PVT1: variants seen among roughly 807,000 people sequenced by gnomAD.
The protein encoded by PVT1 is CXCR4/PVT1 fusion.
At chr8:127,960,600 A>G (rs1377488305) in intron 3 of PVT1, 2 of 465,884 alleles carry the variant, frequency 4.3e-6, no homozygotes, top group South Asian at 1.7e-5. Context: ...GAAATCAGCA[A>G]GCTGAAGATA....
intron 2 of PVT1, among the ~76,000 whole-genome samples, chr8:127,882,843 A>C (rs1384768902): frequency 6.6e-6 from 1 of 152,136 alleles, no homozygotes; most frequent in Non-Finnish European, 1.5e-5. Flanking sequence ...CACACTTAGC[A>C]TGTGAGACTG....
At chr8:128,048,562 T>C (rs1417975660) in intron 4 of PVT1, 1 of 152,240 alleles carries the variant, frequency 6.6e-6, no homozygotes, top group East Asian at 1.9e-4. Flanking sequence ...TAAGTGGATG[T>C]ATGAGCCGAT....
chr8:128,086,673 G>C (rs1216757904), intron 5 of PVT1, among the ~76,000 whole-genome samples: 2 of 152,226 alleles, frequency 1.3e-5, no homozygotes, highest in African/African-American at 2.4e-5. Flanking sequence ...ACTTTGTTCA[G>C]TATGGGTTTT....
At chr8:127,988,404 C>G (rs1816993959) in intron 3 of PVT1, among the ~76,000 whole-genome samples, 2 of 152,328 alleles carry the variant, frequency 1.3e-5, no homozygotes, top group Non-Finnish European at 1.5e-5. Flanking sequence ...CGGAGCATCA[C>G]AGTTCTTTGA....
chr8:127,959,586 G>GAAAAAAAAAAAAAAAA, intron 3 of PVT1, among the ~76,000 whole-genome samples: 1 of 76,492 alleles, frequency 1.3e-5, no homozygotes, highest in Non-Finnish European at 2.4e-5. Context: ...TCTGTCTCAG[G>GAAAAAAAAAAAAAAAA]AAAAAAAAAA....
chr8:127,919,677 G>A (rs1424874198), intron 3 of PVT1, among the ~76,000 whole-genome samples: 1 of 152,152 alleles, frequency 6.6e-6, no homozygotes, highest in African/African-American at 2.4e-5. Flanking sequence ...GAGCTGCCTG[G>A]CCTCTGATCA....
chr8:128,073,916 CTG>C (rs1814044127), intron 5 of PVT1, among the ~76,000 whole-genome samples: 1 of 151,738 alleles, frequency 6.6e-6, no homozygotes, highest in South Asian at 2.1e-4. Flanking sequence ...TTCCAAGTCT[CTG>C]TAGTCTTCTC....
At chr8:127,990,748 T>A (rs762625653) in intron 4 of PVT1, among the ~76,000 whole-genome samples, 1 of 152,252 alleles carries the variant, frequency 6.6e-6, no homozygotes, top group Non-Finnish European at 1.5e-5. Flanking sequence ...GCTGTGATAG[T>A]CAGCATTCCT....
At chr8:128,019,003 G>A (rs780924542) in intron 4 of PVT1, among the ~76,000 whole-genome samples, 4 of 152,188 alleles carry the variant, frequency 2.6e-5, no homozygotes, top group Admixed American at 6.5e-5. Flanking sequence ...CCAGCTTCCC[G>A]GAAAGACCTC....
intron 3 of PVT1, among the ~76,000 whole-genome samples, chr8:127,951,464 A>T (rs1405525223): frequency 2.0e-5 from 3 of 152,226 alleles, no homozygotes; most frequent in Admixed American, 2.0e-4. Context: ...ATCAAAAGGA[A>T]GACAGCGTCA....
intron 2 of PVT1, among the ~76,000 whole-genome samples, chr8:127,799,067 A>T (rs1479765305): frequency 6.6e-6 from 1 of 152,170 alleles, no homozygotes; most frequent in Non-Finnish European, 1.5e-5. Flanking sequence ...TTTAATTGCG[A>T]AATTCCGAAC....
intron 2 of PVT1, among the ~76,000 whole-genome samples, chr8:127,816,070 G>A (rs910638720): frequency 3.9e-5 from 6 of 152,180 alleles, no homozygotes; most frequent in African/African-American, 1.4e-4. Context: ...GTTATGGTGA[G>A]CTGAGATCAC....
chr8:128,056,942 A>C (rs1305177928), intron 4 of PVT1, among the ~76,000 whole-genome samples: 8 of 152,196 alleles, frequency 5.3e-5, no homozygotes, highest in Non-Finnish European at 1.2e-4. Context: ...TTCATGCACA[A>C]CCATGATCTC....
At chr8:127,927,500 C>T (rs950289125) in intron 3 of PVT1, among the ~76,000 whole-genome samples, 10 of 152,176 alleles carry the variant, frequency 6.6e-5, no homozygotes, top group Non-Finnish European at 1.2e-4. Flanking sequence ...TTTTGGATGC[C>T]TCTTAGGGGG....
intron 4 of PVT1, among the ~76,000 whole-genome samples, chr8:128,037,623 G>T (rs1285873541): frequency 6.6e-6 from 1 of 152,196 alleles, no homozygotes; most frequent in African/African-American, 2.4e-5. Flanking sequence ...CACAGACAGA[G>T]GAGGTACCCA....
chr8:128,003,103 G>A (rs6993392), intron 4 of PVT1, among the ~76,000 whole-genome samples: 10,472 of 148,654 alleles, frequency 0.07, 1,205 homozygotes, highest in African/African-American at 0.24. Context: ...GCAGGTTCAA[G>A]TAATTCTCCT....
intron 2 of PVT1, among the ~76,000 whole-genome samples, chr8:127,852,863 C>T (rs1586407273): frequency 1.3e-5 from 2 of 152,310 alleles, no homozygotes; most frequent in South Asian, 4.1e-4. Flanking sequence ...TCGAGGTAGG[C>T]CCAGAGGACT....
At chr8:128,005,995 CAG>C (rs565740389) in intron 4 of PVT1, among the ~76,000 whole-genome samples, 33 of 151,882 alleles carry the variant, frequency 2.2e-4, no homozygotes, top group Admixed American at 1.3e-3. Context: ...CCCAGCTACT[CAG>C]GGGGCTGAAT....
At chr8:127,799,221 C>T (rs1293572893) in intron 2 of PVT1, among the ~76,000 whole-genome samples, 1 of 151,678 alleles carries the variant, frequency 6.6e-6, no homozygotes, top group Non-Finnish European at 1.5e-5. Flanking sequence ...CGTCTAAGTG[C>T]CCAACACAGC....
Sources: allele counts gnomAD v4.1 joint callset (sites outside exome capture counted in the v4.1 genomes callset), GRCh38; gene constraint gnomAD v4.1.1; transcripts MANE v1.5; gene names NCBI Gene and HGNC (gene_info 2026-07-23, HGNC 2026-07-21).